ADCY5: variants seen among roughly 807,000 people sequenced by gnomAD.
ADCY5 encodes the protein adenylate cyclase type 5.
ADCY5 carries 30 observed loss-of-function variants against 119.7 expected under a neutral mutation model. The observed-to-expected ratio is 0.25, with a 90% CI of 0.19 to 0.34. The LOEUF is 0.34. ADCY5 is among the 10% of genes least tolerant of loss of function. ADCY5 has a pLI of 1.00. For synonymous variants in ADCY5, 753 were observed against 762.2 expected (o/e 0.99, Z 0.20); for missense variants, 1,324 against 1,775.2 (o/e 0.75, Z 4.57).
chr3:123,375,683 T>G (rs1328553133), intron 1 of ADCY5, among the ~76,000 whole-genome samples: 2 of 152,248 alleles, frequency 1.3e-5, no homozygotes, highest in Non-Finnish European at 2.9e-5. Context: ...TTCTAACAGC[T>G]TATTTCATCC....
chr3:123,312,806 G>A (rs560434915), intron 12 of ADCY5, among the ~76,000 whole-genome samples: 2 of 152,324 alleles, frequency 1.3e-5, no homozygotes, highest in African/African-American at 4.8e-5. Context: ...TCTGTTGATG[G>A]ATGCTTGGGT....
At chr3:123,292,372 G>A (rs534453229) in intron 17 of ADCY5, among the ~76,000 whole-genome samples, 3 of 152,242 alleles carry the variant, frequency 2.0e-5, no homozygotes, top group Admixed American at 6.5e-5. Context: ...GAGCTCCCAG[G>A]GCAGAAGATC....
At chr3:123,360,765 ATAGAC>A (rs1212742650) in intron 1 of ADCY5, among the ~76,000 whole-genome samples, 2 of 152,382 alleles carry the variant, frequency 1.3e-5, no homozygotes, top group Non-Finnish European at 2.9e-5. Context: ...GAAAAACAAA[ATAGAC>A]TAGAATGTGA....
chr3:123,448,059 G>C lies in ADCY5; in HGVS notation c.487C>G (p.Arg163Gly). The C allele has an allele frequency of 3.2e-6, 4 of 1,245,104 alleles. No homozygotes were observed. The highest frequency in any genetic ancestry group is 3.0e-6 in the Non-Finnish European group (3 of 993,284). The allele number at this position is 1,245,104 out of a possible 1,614,324, so 77.1% of individuals were successfully genotyped here. A position where few individuals can be genotyped will look rare whatever the true frequency, so the allele number is the denominator to read the frequency against. The change falls in exon 1 of 21, where the codon CGG (arginine) becomes GGG (glycine). Residue 163 changes from arginine to glycine, a missense_variant. Around this residue, in one of 6 missense-constraint regions of ADCY5, gnomAD observed 585 missense variants for 569.9 expected, o/e 1.03. Coordinates refer to ENST00000462833, the MANE Select transcript of ADCY5 (RefSeq NM_183357.3). ...PRSVEVGLEERRGKGRAADEL... is the reference protein window; with the variant it reads ...PRSVEVGLEEGRGKGRAADEL... ...TCGGCCGCGCGCCCCTTGCCCCGCC[G>C]CTCCTCCAGACCCACCTCCACCGAG...
At chr3:123,410,928 G>A (rs762081529) in intron 1 of ADCY5, among the ~76,000 whole-genome samples, 5 of 152,078 alleles carry the variant, frequency 3.3e-5, no homozygotes, top group African/African-American at 9.7e-5. Flanking sequence ...GATTACAGAC[G>A]TGAGCCATCT....
At chr3:123,331,324 C>A (rs1329786015) in intron 4 of ADCY5, among the ~76,000 whole-genome samples, 1 of 152,346 alleles carries the variant, frequency 6.6e-6, no homozygotes, top group East Asian at 1.9e-4. Context: ...GGTCGAACTG[C>A]AGCTCAGCCA....
chr3:123,406,354 G>T (rs1392549859), intron 1 of ADCY5, among the ~76,000 whole-genome samples: 2 of 152,112 alleles, frequency 1.3e-5, no homozygotes, highest in Non-Finnish European at 2.9e-5. Context: ...TGTGGCCCCC[G>T]CATGGCATGG....
rs1276724195 is a variant in ADCY5 at position 123,447,309 on chromosome 3, C to G, written c.1134+103G>C. On this transcript the variant is annotated intron_variant, in intron 1 of 20. Transcript: ENST00000462833. ...ATGGCCGAGCCCTGTCTCTCTGGCT[C>G]TTTTCACCATTCGAAAGGGTGAGGG... is the stretch of plus-strand genomic sequence containing the variant. The G allele has an allele frequency of 3.1e-6, 4 of 1,293,032 alleles. No homozygotes were observed. The African/African-American group carries it at 6.0e-5, about 19-fold the overall frequency. The allele number at this position is 1,293,032 out of a possible 1,614,324, so 80.1% of individuals were successfully genotyped here.
chr3:123,358,383 T>C (rs750748937), intron 1 of ADCY5, among the ~76,000 whole-genome samples: 1 of 152,114 alleles, frequency 6.6e-6, no homozygotes, highest in Non-Finnish European at 1.5e-5. Flanking sequence ...GGTGGGAATA[T>C]CACTTGAGTC....
At chr3:123,299,481 G>T (rs1939707201) in intron 15 of ADCY5, among the ~76,000 whole-genome samples, 1 of 152,206 alleles carries the variant, frequency 6.6e-6, no homozygotes. Context: ...AAAGCCTAAG[G>T]TCTTTCCCCT....
intron 11 of ADCY5, among the ~76,000 whole-genome samples, chr3:123,315,208 G>A (rs191470278): frequency 7.2e-5 from 11 of 152,374 alleles, no homozygotes; most frequent in African/African-American, 2.6e-4. Flanking sequence ...CGTGGGGGGC[G>A]TGAGAGGCAG....
intron 16 of ADCY5, chr3:123,296,957 C>T: frequency 6.5e-7 from 1 of 1,532,080 alleles, no homozygotes; most frequent in Non-Finnish European, 8.7e-7. Flanking sequence ...AGGGACGGGT[C>T]CCACAAGCAC....
intron 1 of ADCY5, among the ~76,000 whole-genome samples, chr3:123,373,758 G>GCCTCCCCCCCCC (rs1943718682): frequency 2.7e-5 from 1 of 37,074 alleles, no homozygotes; most frequent in African/African-American, 7.2e-5. Flanking sequence ...GAAGCATCAC[G>GCCTCCCCCCCCC]CCCCCCCCCC....
At chr3:123,301,735 G>A (rs779304493) in intron 14 of ADCY5, among the ~76,000 whole-genome samples, 5 of 152,250 alleles carry the variant, frequency 3.3e-5, no homozygotes, top group Admixed American at 2.0e-4. Context: ...GGGCAAGTAC[G>A]AGACTGAAAA....
chr3:123,416,679 G>A (rs1392240027), intron 1 of ADCY5, among the ~76,000 whole-genome samples: 1 of 152,142 alleles, frequency 6.6e-6, no homozygotes, highest in African/African-American at 2.4e-5. Context: ...CCTGTCCAGG[G>A]CTTGTGAGGG....
chr3:123,338,693 C>T (rs1942139398), intron 3 of ADCY5, among the ~76,000 whole-genome samples: 1 of 152,242 alleles, frequency 6.6e-6, no homozygotes, highest in Admixed American at 6.5e-5. Flanking sequence ...CCATCCATCA[C>T]TCACAGTCTC....
At chr3:123,289,584 G>T (rs1480191365) in intron 19 of ADCY5, among the ~76,000 whole-genome samples, 166 bp downstream of exon 19, 1 of 152,218 alleles carries the variant, frequency 6.6e-6, no homozygotes, top group East Asian at 1.9e-4. Flanking sequence ...ACCCATGCCT[G>T]CCCCCACCTA....
At chr3:123,311,961 C>T (rs1379696612) in intron 12 of ADCY5, among the ~76,000 whole-genome samples, 1 of 152,008 alleles carries the variant, frequency 6.6e-6, no homozygotes, top group Non-Finnish European at 1.5e-5. Flanking sequence ...ACAAAATAGG[C>T]AAATTCAACA....
chr3:123,408,474 G>T, intron 1 of ADCY5, among the ~76,000 whole-genome samples: 1 of 149,902 alleles, frequency 6.7e-6, no homozygotes, highest in Admixed American at 6.7e-5. Context: ...AGCCCAATAT[G>T]GTGAAACCCC....
Sources: gnomAD v4.1 joint callset for allele counts (sites outside exome capture counted in the v4.1 genomes callset) on GRCh38, gnomAD v4.1.1 for gene constraint, gnomAD v4.1.1 regional missense constraint, MANE v1.5 for transcripts, NCBI Gene and HGNC (gene_info 2026-07-23, HGNC 2026-07-21) for gene names.